Variants in TBX21 observed in about 807,000 individuals in gnomAD.
TBX21 encodes T-box transcription factor TBX21.
In TBX21, 11 loss-of-function variants were observed where a neutral mutation model predicts 52.2. The ratio of observed to expected loss-of-function variants is 0.21; its 90% confidence interval spans 0.13 to 0.35. The LOEUF (loss-of-function observed/expected upper bound fraction) is 0.35, where lower values mean the gene tolerates loss of function less well. Ranked by LOEUF, TBX21 falls within the 10% of genes least tolerant of loss-of-function variation. The pLI is 1.00. For missense variants in TBX21, 625 were observed against 755.1 expected, an observed-to-expected ratio of 0.83 and a Z score of 2.02; for synonymous variants, 300 against 316.1, an observed-to-expected ratio of 0.95 and a Z score of 0.54.
At chr17:47,737,351 G>C (rs1301304337) in intron 1 of TBX21, among the ~76,000 whole-genome samples, 1 of 152,158 alleles carries the variant, frequency 6.6e-6, no homozygotes, top group Admixed American at 6.5e-5. Flanking sequence ...CACTTTCTGG[G>C]TGTGATTGGT....
Position 47,744,888 on chromosome 17 carries a change from C to G in TBX21, c.1130C>G (p.Ala377Gly). Residue 377 changes from alanine to glycine, a missense_variant, in exon 6 of 6, where the codon GCG becomes GGG. Ala to Gly is a moderately conservative substitution (Grantham distance 60). Transcript: ENST00000177694. ...TTCTACCCCGACCTTCCTGGCCAGG[C>G]GAAGGATGTGGTTCCCCAGGCTTAC... ...SRFYPDLPGQ[A>G]KDVVPQAYWL... is the part of the protein sequence containing the mutation. 6.2e-7 allele frequency: 1 copy of G among 1,614,212 alleles called. No homozygotes were observed.
chr17:47,742,096 A>G lies in TBX21; in HGVS notation c.492-514A>G, dbSNP rs1211105350. Among the ~76,000 whole-genome samples, 5 of 146,236 alleles carry G rather than the reference A, an allele frequency of 3.4e-5. No homozygotes were observed. Among genetic ancestry groups the G allele is most frequent in the Non-Finnish European group, 6.0e-5 (4 of 66,750 alleles). ...CCTTTTTTTTTTTTTTGAGATGGAG[A>G]CTTGCTCTTGTCATCCAGGCTGGAG... On this transcript the variant is annotated intron_variant, in intron 1 of 5. Coordinates refer to ENST00000177694, the MANE Select transcript of TBX21 (RefSeq NM_013351.2). The surrounding 1 kb of genome is among the most constrained non-coding windows in gnomAD (Gnocchi z 4.4).
rs1273666624 is a variant in TBX21 at position 47,744,351 on chromosome 17, G to A, written c.925G>A (p.Glu309Lys). Residue 309 changes from glutamate (E) to lysine (K), a missense_variant and splice_region_variant, in exon 4 of 6, where the codon GAG becomes AAG. Physicochemically the swap from Glu to Lys is moderately conservative, Grantham distance 56 (BLOSUM62 1). Coordinates refer to ENST00000177694, the MANE Select transcript of TBX21 (RefSeq NM_013351.2). The stretch of plus-strand genomic sequence containing the variant: ...TGCCGTGACTGCCTACCAGAATGCC[G>A]AGGTGAGGGCTGCCTGAGCCCCGGT... ...FIAVTAYQNA[E>K]ITQLKIDNNP... 6.2e-6 allele frequency: 10 copies of A among 1,614,080 alleles called. No individual in the cohort carries two copies. The highest frequency in any genetic ancestry group is 8.5e-6 in the Non-Finnish European group (10 of 1,180,040).
At position 47,733,448 on chromosome 17, in the gene TBX21, GC is replaced by G. The variant is rs1327645945; in HGVS notation, c.-3del. 6.7e-7 allele frequency: 1 copy of G among 1,481,914 alleles called. No homozygotes were observed. Among genetic ancestry groups the G allele is most frequent in the Non-Finnish European group, 8.9e-7 (1 of 1,123,294 alleles). 91.8% of individuals were successfully genotyped at this position (1,481,914 alleles called of 1,614,324 possible). On this transcript the variant is annotated 5_prime_UTR_variant, in exon 1 of 6. Coordinates refer to ENST00000177694, the MANE Select transcript of TBX21 (RefSeq NM_013351.2). This position sits in a 1 kb window ranked among gnomAD's most constrained non-coding sequence, Gnocchi z 6.6. ...GACGGCTACGGGAAGGTGCCAGCCCGCCCCGGATGGGCATCGTGGAGCCGGG... is the reference window on the plus strand; with the variant it reads ...GACGGCTACGGGAAGGTGCCAGCCCGCCCGGATGGGCATCGTGGAGCCGGG...
rs1405289758 is a variant in TBX21, at chr17:47,745,269, C to G, written c.1511C>G (p.Pro504Arg). The change falls in exon 6 of 6, where the codon CCC becomes CGC. Residue 504 changes from proline (P) to arginine (R), a missense_variant. This residue lies in a region of TBX21 where 261 missense variants were observed against 275.1 expected (regional missense o/e 0.95). Transcript: ENST00000177694. Reference sequence around the variant, plus strand: ...GACTCTAAGAGGAGGCGCGTGTCCCCCTATCCTTCCAGTGGTGACAGCTCC... The same window carrying G: ...GACTCTAAGAGGAGGCGCGTGTCCCGCTATCCTTCCAGTGGTGACAGCTCC... ...EGDSKRRRVSPYPSSGDSSSP... is the reference protein window; with the variant it reads ...EGDSKRRRVSRYPSSGDSSSP... 1 of 1,614,220 alleles carries G rather than the reference C, an allele frequency of 6.2e-7. No individual in the cohort carries two copies. The highest frequency in any genetic ancestry group is 8.5e-7 in the Non-Finnish European group (1 of 1,180,030).
At chr17:47,737,745 C>T (rs1052704814) in intron 1 of TBX21, among the ~76,000 whole-genome samples, 1 of 152,010 alleles carries the variant, frequency 6.6e-6, no homozygotes, top group African/African-American at 2.4e-5. Context: ...CCTGCCTCAG[C>T]CTCCCAAGTA....
At chr17:47,734,045 C>A in intron 1 of TBX21, 100 bp downstream of exon 1, 1 of 1,577,918 alleles carries the variant, frequency 6.3e-7, no homozygotes, top group Non-Finnish European at 8.6e-7. Flanking sequence ...ACTCCGTGTC[C>A]CTCACTGCTT....
intron 1 of TBX21, among the ~76,000 whole-genome samples, chr17:47,740,717 G>A (rs753933193): frequency 3.9e-5 from 6 of 152,146 alleles, no homozygotes; most frequent in Non-Finnish European, 5.9e-5. Context: ...ATGACAGAGC[G>A]AAACTCCATT....
rs747492350 is a variant in TBX21 at position 47,745,362 on chromosome 17, A to C, written c.1604A>C (p.Asn535Thr). The change falls in exon 6 of 6, where the codon AAC (asparagine) becomes ACC (threonine). Residue 535 changes from asparagine (N) to threonine (T), a missense_variant. Around this residue, in one of 4 missense-constraint regions of TBX21, gnomAD observed 261 missense variants for 275.1 expected, o/e 0.95. Coordinates refer to ENST00000177694, the MANE Select transcript of TBX21 (RefSeq NM_013351.2). ...GGACAGTTTTATAACTATTTTCCCA[A>C]CTGAGCAGATGACATGATGAAAGGA... ...AEGQFYNYFP[N>T] 2 of 1,593,606 alleles carry C rather than the reference A, an allele frequency of 1.3e-6. No individual in the cohort carries two copies. Among genetic ancestry groups the C allele is most frequent in the Non-Finnish European group, 1.7e-6 (2 of 1,171,004 alleles).
chr17:47,735,082 C>A (rs1427813106), intron 1 of TBX21, among the ~76,000 whole-genome samples: 1 of 151,980 alleles, frequency 6.6e-6, no homozygotes, highest in Non-Finnish European at 1.5e-5. Context: ...TGTGGAAGGG[C>A]TGTTGTCATT....
In TBX21 at chr17:47,744,329, C is replaced by T. The variant is rs144813252; in HGVS notation, c.903C>T (p.Ala301=). ...CTTTCCAAGAAACCCAGTTCATTGC[C>T]GTGACTGCCTACCAGAATGCCGAGG... ...IFTFQETQFI[A]VTAYQNAEIT... Residue 301 remains alanine, a synonymous_variant, in exon 4 of 6, where the codon GCC becomes GCT. Transcript: ENST00000177694. 3.0e-4 allele frequency: 483 copies of T among 1,614,208 alleles called. 2 individuals are homozygous for T. In the African/African-American group the frequency reaches 5.2e-3, roughly 17 times the overall value.
intron 1 of TBX21, among the ~76,000 whole-genome samples, chr17:47,734,788 A>G (rs1360733783): frequency 6.7e-6 from 1 of 149,776 alleles, no homozygotes. Context: ...CCTTCCCCAC[A>G]CTCCTGTCCA....
Position 47,733,846 on chromosome 17 carries a change from T to G in TBX21, c.392T>G (p.Leu131Arg). The stretch of plus-strand genomic sequence containing the variant: ...GAGGACTACGCGCTACCCGCGGGAC[T>G]GGAGGTGTCGGGGAAACTGAGGGTC... ...PREDYALPAG[L>R]EVSGKLRVAL... Residue 131 changes from leucine to arginine, a missense_variant, in exon 1 of 6, where the codon CTG becomes CGG. Coordinates refer to ENST00000177694, the MANE Select transcript of TBX21 (RefSeq NM_013351.2). This position sits in a 1 kb window ranked among gnomAD's most constrained non-coding sequence, Gnocchi z 6.6. 1.2e-6 allele frequency: 2 copies of G among 1,611,636 alleles called. No homozygotes were observed. Among genetic ancestry groups the G allele is most frequent in the South Asian group, 1.1e-5 (1 of 90,830 alleles).
At position 47,744,930 on chromosome 17, in the gene TBX21, G is replaced by A. The variant is rs771969938; in HGVS notation, c.1172G>A (p.Arg391Gln). The change falls in exon 6 of 6, where the codon CGG (arginine) becomes CAG (glutamine). Residue 391 changes from arginine (R) to glutamine (Q), a missense_variant. Transcript: ENST00000177694. ...VPQAYWLGAP[R>Q]DHSYEAEFRA... is the part of the protein sequence containing the mutation. ...CAGGCTTACTGGCTGGGGGCCCCCC[G>A]GGACCACAGCTATGAGGCTGAGTTT... The A allele has an allele frequency of 5.6e-6, 9 of 1,614,030 alleles. No homozygotes were observed. Among genetic ancestry groups the A allele is most frequent in the East Asian group, 2.2e-5 (1 of 44,852 alleles).
In TBX21 at chr17:47,745,785, T is replaced by C. The variant is rs767998967; in HGVS notation, c.*419T>C. 6.0e-6 allele frequency: 1 copy of C among 165,638 alleles called. No homozygotes were observed. The highest frequency in any genetic ancestry group is 1.3e-5 in the Non-Finnish European group (1 of 75,878). 10.3% of individuals were successfully genotyped at this position (165,638 alleles called of 1,614,324 possible). ...CTTTCAACCTTTTCGTTGGCATGTG[T>C]GTTAATCCCTGATCCAAAAAGAACA... On this transcript the variant is annotated 3_prime_UTR_variant, in exon 6 of 6. Coordinates refer to ENST00000177694, the MANE Select transcript of TBX21 (RefSeq NM_013351.2).
intron 1 of TBX21, among the ~76,000 whole-genome samples, chr17:47,739,460 T>TA (rs1281986883): frequency 3.2e-5 from 3 of 92,784 alleles, no homozygotes; most frequent in Admixed American, 1.3e-4. Flanking sequence ...CTCCATCTCT[T>TA]AAAAAAAAAT....
intron 1 of TBX21, among the ~76,000 whole-genome samples, chr17:47,734,556 TGTG>T (rs1275890290): frequency 2.8e-5 from 1 of 36,098 alleles, no homozygotes; most frequent in Non-Finnish European, 5.9e-5. Flanking sequence ...ATATGTCTGG[TGTG>T]TGTGTGTGTG....
intron 1 of TBX21, among the ~76,000 whole-genome samples, chr17:47,741,689 G>A (rs1440798407): frequency 4.6e-5 from 7 of 152,126 alleles, no homozygotes; most frequent in Admixed American, 2.0e-4. Context: ...GAGAGCCACG[G>A]CAGAGAGGGT....
Position 47,742,869 on chromosome 17 carries a change from C to T in TBX21, c.646+105C>T, listed in dbSNP as rs755775119. The T allele has an allele frequency of 3.9e-5, 57 of 1,460,450 alleles. No homozygotes were observed. Among genetic ancestry groups the T allele is most frequent in the Non-Finnish European group, 5.1e-5 (56 of 1,103,150 alleles). 90.5% of individuals were successfully genotyped at this position (1,460,450 alleles called of 1,614,324 possible). A position where few individuals can be genotyped will look rare whatever the true frequency, so the allele number is the denominator to read the frequency against. ...CTAATTCCTAGACCTTTAACCCCCT[C>T]CCACTCCATCCCACGCCATTGCATC... On this transcript the variant is annotated intron_variant, in intron 2 of 5. Transcript: ENST00000177694. The surrounding 1 kb of genome is among the most constrained non-coding windows in gnomAD (Gnocchi z 4.4).
Sources: allele counts gnomAD v4.1 joint callset (sites outside exome capture counted in the v4.1 genomes callset), GRCh38; gene constraint gnomAD v4.1.1; regional missense constraint gnomAD v4.1.1; non-coding constraint Gnocchi (gnomAD v3.1); transcripts MANE v1.5; gene names NCBI Gene and HGNC (gene_info 2026-07-23, HGNC 2026-07-21).